SGCD: variants seen among roughly 807,000 people sequenced by gnomAD.
SGCD encodes the protein sarcoglycan delta.
SGCD carries 18 observed loss-of-function variants against 36.6 expected under a neutral mutation model. The ratio of observed to expected loss-of-function variants is 0.49; its 90% CI spans 0.34 to 0.73. SGCD has a LOEUF of 0.73. Among genes scored for constraint, SGCD ranks in the 30% least tolerant of loss-of-function variants. The pLI, the probability that SGCD is intolerant of heterozygous loss-of-function variation, is 0.01. For missense variants in SGCD, 387 were observed against 346.7 expected (o/e 1.12, Z -0.92); for synonymous variants, 133 against 130.6 (o/e 1.02, Z -0.12).
chr5:155,883,372 C>G (rs187792956), intron 1 of SGCD, among the ~76,000 whole-genome samples: 1 of 152,156 alleles, frequency 6.6e-6, no homozygotes, highest in African/African-American at 2.4e-5. Flanking sequence ...TACATGCCTT[C>G]CTCACTAGGC....
At chr5:155,884,790 G>C (rs1755967791) in intron 1 of SGCD, among the ~76,000 whole-genome samples, 1 of 53,568 alleles carries the variant, frequency 1.9e-5, no homozygotes, top group East Asian at 3.9e-4. Flanking sequence ...ATAAAAATGG[G>C]AATAGTAATA....
chr5:156,352,472 T>C (rs966860711), intron 3 of SGCD, among the ~76,000 whole-genome samples: 24 of 152,236 alleles, frequency 1.6e-4, no homozygotes, highest in African/African-American at 5.8e-4. Context: ...ATGTGTTAAC[T>C]GTAGATTGCC....
intron 3 of SGCD, among the ~76,000 whole-genome samples, chr5:156,206,231 G>A (rs1764274740): frequency 6.6e-6 from 1 of 151,784 alleles, no homozygotes; most frequent in African/African-American, 2.4e-5. Context: ...ACTTCATTGT[G>A]TGTACGTACA....
chr5:156,570,005 A>T (rs1203202656), intron 4 of SGCD, among the ~76,000 whole-genome samples: 1 of 152,168 alleles, frequency 6.6e-6, no homozygotes, highest in Non-Finnish European at 1.5e-5. Flanking sequence ...TTTTTCCCCC[A>T]TGAGAGTGAC....
At chr5:155,846,929 C>A in the SGCD span, among the ~76,000 whole-genome samples, 3 of 152,144 alleles carry the variant, frequency 2.0e-5, no homozygotes, top group Non-Finnish European at 4.4e-5. Context: ...CATTGCTCAA[C>A]AAGAATTTTC....
At position 156,505,800 on chromosome 5, in the gene SGCD, CACA is replaced by C. The variant is rs1561741888; in HGVS notation, c.193-2800_193-2798del. 3.0e-3 allele frequency among the ~76,000 whole-genome samples: 464 copies of C among 152,188 alleles called. 4 individuals carry two copies. The highest frequency in any genetic ancestry group is 9.8e-3 in the African/African-American group (406 of 41,508). ...CACCAAACACACACACACACACACA[CACA>C]CCCCTACCCCTGGGAGGAGAAAAAA... On this transcript the variant is annotated intron_variant, in intron 3 of 8. Coordinates refer to ENST00000337851, the MANE Select transcript of SGCD (RefSeq NM_000337.6).
chr5:156,726,121 G>A (rs559515061), intron 7 of SGCD, among the ~76,000 whole-genome samples: 4 of 152,296 alleles, frequency 2.6e-5, no homozygotes, highest in South Asian at 4.1e-4. Context: ...CCATCTTGAA[G>A]ATGGCCGTAC....
At chr5:155,752,082 A>G in the SGCD span, among the ~76,000 whole-genome samples, 8 of 152,206 alleles carry the variant, frequency 5.3e-5, no homozygotes, top group African/African-American at 1.7e-4. Context: ...ACTAAGCACT[A>G]TCCTCCCACT....
intron 1 of SGCD, among the ~76,000 whole-genome samples, chr5:156,057,159 A>C (rs1277296728): frequency 6.8e-6 from 1 of 146,690 alleles, no homozygotes; most frequent in Non-Finnish European, 1.5e-5. Flanking sequence ...TTCACTATGT[A>C]AAATTATGTA....
At chr5:156,711,006 G>A (rs1754965622) in intron 7 of SGCD, among the ~76,000 whole-genome samples, 1 of 152,174 alleles carries the variant, frequency 6.6e-6, no homozygotes, top group South Asian at 2.1e-4. Flanking sequence ...ACTAGAGTCA[G>A]GTTAGAATTT....
intron 3 of SGCD, among the ~76,000 whole-genome samples, chr5:156,161,022 G>A (rs1763074240): frequency 6.6e-6 from 1 of 151,634 alleles, no homozygotes; most frequent in Admixed American, 6.6e-5. Context: ...AACTTGATTT[G>A]CAAAAATAGA....
chr5:156,530,054 A>G (rs949580811), intron 4 of SGCD, among the ~76,000 whole-genome samples: 2 of 152,252 alleles, frequency 1.3e-5, no homozygotes, highest in Non-Finnish European at 2.9e-5. Context: ...TGAAAGAATG[A>G]GTTAAGCAGA....
the SGCD span, among the ~76,000 whole-genome samples, chr5:155,863,755 A>C: frequency 6.6e-6 from 1 of 151,948 alleles, no homozygotes; most frequent in Non-Finnish European, 1.5e-5. Flanking sequence ...GCTCAGAAAG[A>C]TATCTCTTTC....
chr5:156,285,581 C>A (rs1482893028), intron 3 of SGCD, among the ~76,000 whole-genome samples: 1 of 152,136 alleles, frequency 6.6e-6, no homozygotes, highest in Non-Finnish European at 1.5e-5. Flanking sequence ...AGAAAGGATT[C>A]CATATTTAAT....
At chr5:156,746,426 TAA>T (rs1756939918) in intron 7 of SGCD, among the ~76,000 whole-genome samples, 1 of 152,200 alleles carries the variant, frequency 6.6e-6, no homozygotes, top group Non-Finnish European at 1.5e-5. Context: ...AAGGAATATG[TAA>T]AGAGTTAAAT....
rs551630445 is a variant in SGCD, at chr5:156,410,518, A to G, written c.192+65841A>G. Among the ~76,000 whole-genome samples, 8 of 152,332 alleles carry G rather than the reference A, an allele frequency of 5.3e-5. 1 individual carries two copies. Among genetic ancestry groups the G allele is most frequent in the African/African-American group, 1.9e-4 (8 of 41,576 alleles). ...CCTGCACATGTACCTTCTGAATCTA[A>G]AATGAAAGTTGGAATTATTTTTTTA... On this transcript the variant is annotated intron_variant, in intron 3 of 8. Coordinates refer to ENST00000337851, the MANE Select transcript of SGCD (RefSeq NM_000337.6).
At chr5:156,487,908 A>T (rs1229535741) in intron 3 of SGCD, among the ~76,000 whole-genome samples, 1 of 147,956 alleles carries the variant, frequency 6.8e-6, no homozygotes, top group Non-Finnish European at 1.5e-5. Context: ...AGAAAAAAAA[A>T]TACAAAGAAT....
intron 1 of SGCD, among the ~76,000 whole-genome samples, chr5:156,054,292 T>A (rs992958229): frequency 1.5e-5 from 2 of 136,354 alleles, no homozygotes; most frequent in Non-Finnish European, 3.3e-5. Context: ...TTCTTTTTTT[T>A]TTTTTTTTTT....
chr5:156,501,874 C>T (rs1756468662), intron 3 of SGCD, among the ~76,000 whole-genome samples: 1 of 152,174 alleles, frequency 6.6e-6, no homozygotes. Flanking sequence ...TCAGGATCAT[C>T]ACTGGACAGC....
Sources: allele counts gnomAD v4.1 joint callset (sites outside exome capture counted in the v4.1 genomes callset), GRCh38; gene constraint gnomAD v4.1.1; transcripts MANE v1.5; gene names NCBI Gene and HGNC (gene_info 2026-07-23, HGNC 2026-07-21).